Variants in ACOT7 observed in about 807,000 individuals in gnomAD.
ACOT7 encodes acyl-CoA thioesterase 7, also known as cytosolic acyl coenzyme A thioester hydrolase.
A neutral mutation model predicts 40.2 loss-of-function variants in ACOT7; 12 were observed. The ratio of observed to expected loss-of-function variants is 0.30; its 90% confidence interval spans 0.19 to 0.48. The LOEUF (loss-of-function observed/expected upper bound fraction) is 0.48. Ranked by LOEUF, ACOT7 falls within the 20% of genes least tolerant of loss-of-function variation. ACOT7 has a pLI of 0.99. For synonymous variants in ACOT7, 228 were observed against 219.5 expected (o/e 1.04, Z -0.34); for missense variants, 395 against 530.8 (o/e 0.74, Z 2.51).
At chr1:6,379,226 T>A (rs1038734991) in intron 1 of ACOT7, among the ~76,000 whole-genome samples, 3 of 151,834 alleles carry the variant, frequency 2.0e-5, no homozygotes, top group Admixed American at 2.0e-4. Context: ...GTCCTCCAGG[T>A]CAGAGATAAA....
At chr1:6,353,277 C>G (rs758215703) in intron 1 of ACOT7, among the ~76,000 whole-genome samples, 11 of 151,996 alleles carry the variant, frequency 7.2e-5, no homozygotes, top group Non-Finnish European at 1.5e-4. Flanking sequence ...CACAATTGCA[C>G]CACTGCACTC....
chr1:6,305,433 G>A (rs543484150), intron 6 of ACOT7, among the ~76,000 whole-genome samples: 1 of 151,366 alleles, frequency 6.6e-6, no homozygotes, highest in Non-Finnish European at 1.5e-5. Context: ...CCTCCCGGAC[G>A]GGGTGGCTGC....
intron 7 of ACOT7, among the ~76,000 whole-genome samples, chr1:6,283,071 C>T (rs1639400180): frequency 6.6e-6 from 1 of 152,108 alleles, no homozygotes; most frequent in South Asian, 2.1e-4. Context: ...GCCACGGTGT[C>T]ACACACGGGG....
chr1:6,328,491 G>A (rs1393199564), intron 4 of ACOT7, among the ~76,000 whole-genome samples: 1 of 151,988 alleles, frequency 6.6e-6, no homozygotes, highest in East Asian at 2.0e-4. Context: ...TGAAACCCCT[G>A]GCCAACATGG....
chr1:6,389,178 C>T (rs1470106077), intron 1 of ACOT7, among the ~76,000 whole-genome samples: 1 of 152,132 alleles, frequency 6.6e-6, no homozygotes, highest in Non-Finnish European at 1.5e-5. Flanking sequence ...AGACCTCAGA[C>T]ACTATTCTAG....
At chr1:6,307,782 G>A (rs545623135) in intron 6 of ACOT7, among the ~76,000 whole-genome samples, 3 of 150,514 alleles carry the variant, frequency 2.0e-5, no homozygotes, top group African/African-American at 7.3e-5. Flanking sequence ...AGAGGGAACC[G>A]CAGCAGGCAG....
chr1:6,281,852 G>A (rs148957847), intron 7 of ACOT7, among the ~76,000 whole-genome samples: 1 of 152,258 alleles, frequency 6.6e-6, no homozygotes, highest in East Asian at 1.9e-4. Flanking sequence ...GTGCCCCTTG[G>A]TGGGATTGAA....
rs1300449227 is a variant in ACOT7, at chr1:6,288,904, C to A, written c.829+5960G>T. ...TGTCCGTGTAACTTCCTGACAGACA[C>A]CCCACCCAAGCGAGGGCAAGCCACA... On this transcript the variant is annotated intron_variant, in intron 7 of 8. Transcript: ENST00000361521. The surrounding 1 kb of genome is among the most constrained non-coding windows in gnomAD (Gnocchi z 4.3). 6.6e-6 allele frequency among the ~76,000 whole-genome samples: 1 copy of A among 152,208 alleles called. No individual in the cohort carries two copies. Among genetic ancestry groups the A allele is most frequent in the African/African-American group, 2.4e-5 (1 of 41,444 alleles).
chr1:6,324,127 G>C (rs1457584247), intron 5 of ACOT7, among the ~76,000 whole-genome samples: 1 of 145,284 alleles, frequency 6.9e-6, no homozygotes, highest in African/African-American at 2.4e-5. Context: ...CACCATACAG[G>C]AGACCAGGCT....
rs964806626 is a variant in ACOT7, at chr1:6,301,485, T to C, written c.713-6505A>G. ...TCACCACCCCCATGCTCCTGCAGGC[T>C]CCACACGGCACCCCCAGACCACACT... is the stretch of plus-strand genomic sequence containing the variant. On this transcript the variant is annotated intron_variant, in intron 6 of 8. Coordinates refer to ENST00000361521, the MANE Select transcript of ACOT7 (RefSeq NM_007274.4). This position sits in a 1 kb window ranked among gnomAD's most constrained non-coding sequence, Gnocchi z 4.1. 3.2e-4 allele frequency among the ~76,000 whole-genome samples: 49 copies of C among 152,012 alleles called. 1 individual carries two copies. The highest frequency in any genetic ancestry group is 1.4e-3 in the Admixed American group (22 of 15,256).
chr1:6,369,665 G>A (rs1381421062), intron 1 of ACOT7, among the ~76,000 whole-genome samples: 3 of 151,694 alleles, frequency 2.0e-5, no homozygotes, highest in Non-Finnish European at 2.9e-5. Context: ...TGCAAGCTCC[G>A]CCTTCCAGGT....
rs1235188436 is a variant in ACOT7, at chr1:6,381,835, T to C, written c.143+11422A>G. Among the ~76,000 whole-genome samples the C allele has an allele frequency of 2.6e-5, 4 of 151,988 alleles. No individual in the cohort carries two copies. In the East Asian group the frequency reaches 7.7e-4, roughly 29 times the overall value. Reference sequence around the variant, plus strand: ...CCATGAAATGGAACATGATTCAGTCTTTAAAAGGAAGGGAATGAGCCGGGC... The same window carrying C: ...CCATGAAATGGAACATGATTCAGTCCTTAAAAGGAAGGGAATGAGCCGGGC... On this transcript the variant is annotated intron_variant, in intron 1 of 8. Transcript: ENST00000361521.
chr1:6,334,847 C>T (rs867198565), intron 3 of ACOT7, among the ~76,000 whole-genome samples: 22 of 152,332 alleles, frequency 1.4e-4, no homozygotes, highest in Middle Eastern at 3.4e-3. Flanking sequence ...GTGCCATACT[C>T]CCATGTCCCA....
chr1:6,309,937 C>CTGT (rs1640284819), intron 6 of ACOT7, among the ~76,000 whole-genome samples: 1 of 152,182 alleles, frequency 6.6e-6, no homozygotes, highest in Non-Finnish European at 1.5e-5. Context: ...TGTGTTATCT[C>CTGT]GTCTGTTTGT....
Position 6,318,494 on chromosome 1 carries a change from C to G in ACOT7, c.710G>C (p.Gly237Ala). The change falls in exon 6 of 9, where the codon GGA becomes GCA. Residue 237 changes from glycine (G) to alanine (A), a missense_variant and splice_region_variant. Physicochemically the swap from Gly to Ala is moderately conservative, Grantham distance 60 (BLOSUM62 0). This residue lies in a region of ACOT7 where 309 missense variants were observed against 470.3 expected (regional missense o/e 0.66). Coordinates refer to ENST00000361521, the MANE Select transcript of ACOT7 (RefSeq NM_007274.4). ...SDCTLHGFVH[G>A]GVTMKLMDEV... ...TGGCCAGGGCGCTTCCTTCTTACCT[C>G]CGTGCACAAAGCCGTGCAGGGTGCA... The G allele has an allele frequency of 1.2e-6, 2 of 1,613,896 alleles. No homozygotes were observed. Among genetic ancestry groups the G allele is most frequent in the Non-Finnish European group, 1.7e-6 (2 of 1,179,908 alleles).
intron 1 of ACOT7, chr1:6,385,515 C>A: frequency 6.2e-7 from 1 of 1,611,504 alleles, no homozygotes; most frequent in Non-Finnish European, 8.5e-7. Context: ...GCAGGCTCCA[C>A]AGGGTGGGAG....
intron 1 of ACOT7, among the ~76,000 whole-genome samples, chr1:6,389,308 T>C (rs561514379): frequency 1.9e-4 from 29 of 152,026 alleles, no homozygotes; most frequent in Non-Finnish European, 3.8e-4. Context: ...ATTTCACACA[T>C]CTACCTATAA....
chr1:6,356,855 G>A (rs373539929), intron 1 of ACOT7, among the ~76,000 whole-genome samples: 175 of 150,762 alleles, frequency 1.2e-3, no homozygotes, highest in African/African-American at 4.0e-3. Context: ...GGAGGCGGAG[G>A]TTGCAGTGAG....
chr1:6,339,185 A>G (rs1641192250), intron 3 of ACOT7, among the ~76,000 whole-genome samples: 1 of 152,162 alleles, frequency 6.6e-6, no homozygotes, highest in Admixed American at 6.5e-5. Flanking sequence ...CTCAGGCCGG[A>G]CCCAGACAGC....
Sources: gnomAD v4.1 joint callset for allele counts (sites outside exome capture counted in the v4.1 genomes callset) on GRCh38, gnomAD v4.1.1 for gene constraint, gnomAD v4.1.1 regional missense constraint, Gnocchi (gnomAD v3.1) non-coding constraint, MANE v1.5 for transcripts, NCBI Gene and HGNC (gene_info 2026-07-23, HGNC 2026-07-21) for gene names.